The following RPSA variants were observed in gnomAD, a reference collection of about 807,000 sequenced individuals.
RPSA encodes the protein ribosomal protein SA.
For missense variants in RPSA, 140 were observed against 372.8 expected (o/e 0.38, Z 5.14); for synonymous variants, 103 against 126.7 (o/e 0.81, Z 1.25).
Position 39,411,936 on chromosome 3 carries a change from C to T in RPSA, c.668C>T (p.Thr223Ile). The change falls in exon 6 of 7, where the codon ACC becomes ATC. Residue 223 changes from threonine to isoleucine, a missense_variant. Coordinates refer to ENST00000301821, the MANE Select transcript of RPSA (RefSeq NM_002295.6). ...CAGGCTGCTGCTGAGAAGGCAGTGA[C>T]CAAGGAGGAATTTCAGGGTGAATGG... ...EEQAAAEKAV[T>I]KEEFQGEWTA... The T allele has an allele frequency of 6.3e-7, 1 of 1,599,746 alleles. No individual in the cohort carries two copies.
intron 6 of RPSA, 103 bp downstream of exon 6, chr3:39,412,164 T>C: frequency 7.2e-7 from 1 of 1,393,906 alleles, no homozygotes. Context: ...TTTAAGAGGT[T>C]TTCATTCCAG....
rs2041994568 is a variant in RPSA, at chr3:39,410,780, C to T, written c.279C>T (p.Ala93=). ...GQRAVLKFAA[A]TGATPIAGRF... ...GGGCTGTGCTGAAGTTTGCTGCTGC[C>T]ACTGGAGCCACTCCAATTGCTGGCC... The change falls in exon 4 of 7, where the codon GCC becomes GCT. Residue 93 remains alanine (A), a synonymous_variant. Coordinates refer to ENST00000301821, the MANE Select transcript of RPSA (RefSeq NM_002295.6). 6.2e-7 allele frequency: 1 copy of T among 1,613,460 alleles called. No individual in the cohort carries two copies. Among genetic ancestry groups the T allele is most frequent in the East Asian group, 2.2e-5 (1 of 44,886 alleles).
intron 3 of RPSA, chr3:39,409,070 C>T: frequency 5.7e-6 from 1 of 176,858 alleles, no homozygotes; most frequent in East Asian, 1.3e-4. Context: ...GGTGACAGAG[C>T]CGAGACTCTG....
At chr3:39,409,206 T>TTTTTTTTTTTC (rs1676111844) in intron 3 of RPSA, among the ~76,000 whole-genome samples, 1 of 124,658 alleles carries the variant, frequency 8.0e-6, no homozygotes, top group Non-Finnish European at 1.8e-5. Context: ...TTTTTTTTTT[T>TTTTTTTTTTTC]TCCTTCAAGA....
Position 39,409,651 on chromosome 3 carries a change from CAATG to C in RPSA, c.252+930_252+933del, listed in dbSNP as rs1192210984. Among the ~76,000 whole-genome samples the C allele has an allele frequency of 2.6e-5, 4 of 152,260 alleles. No homozygotes were observed. The East Asian group carries it at 5.8e-4, about 22-fold the overall frequency. On this transcript the variant is annotated intron_variant, in intron 3 of 6. Coordinates refer to ENST00000301821, the MANE Select transcript of RPSA (RefSeq NM_002295.6). ...CATAGTCAAAGTTTTTACCTTAAAA[CAATG>C]AAATACTGGGACAGAAATTTTTTAA...
chr3:39,409,586 A>T (rs1032204228), intron 3 of RPSA, among the ~76,000 whole-genome samples: 3 of 152,196 alleles, frequency 2.0e-5, no homozygotes. Context: ...GTGCCACTAA[A>T]TATCTAGAAA....
chr3:39,407,749 C>G lies in RPSA; in HGVS notation c.96C>G (p.Phe32Leu). ...ACTTAGGTGGCACCAATCTTGACTT[C>G]CAGATGGAACAGTACATCTATAAAA... ...GTHLGGTNLD[F>L]QMEQYIYKRK... Residue 32 changes from phenylalanine (F) to leucine (L), a missense_variant, in exon 2 of 7, where the codon TTC becomes TTG. Physicochemically the swap from Phe to Leu is conservative, Grantham distance 22 (BLOSUM62 0). Transcript: ENST00000301821. 1 of 1,597,494 alleles carries G rather than the reference C, an allele frequency of 6.3e-7. No homozygotes were observed. Among genetic ancestry groups the G allele is most frequent in the South Asian group, 1.1e-5 (1 of 91,070 alleles).
intron 2 of RPSA, chr3:39,408,101 A>C: frequency 2.6e-6 from 1 of 380,524 alleles, no homozygotes; most frequent in Non-Finnish European, 5.0e-6. Context: ...TATTGAACTG[A>C]ATTTTGAGTG....
intron 4 of RPSA, 159 bp downstream of exon 4, chr3:39,411,158 G>T: frequency 1.2e-6 from 1 of 849,494 alleles, no homozygotes; most frequent in Non-Finnish European, 2.0e-6. Context: ...AACACCACAA[G>T]GGTCTCTGGC....
intron 3 of RPSA, among the ~76,000 whole-genome samples, chr3:39,409,428 TG>T (rs1226984334): frequency 6.6e-6 from 1 of 152,174 alleles, no homozygotes; most frequent in African/African-American, 2.4e-5. Context: ...CTTAAACGCC[TG>T]ATCTCAAGTG....
At chr3:39,407,485 A>T (rs2041936258) in intron 1 of RPSA, 136 bp from the exon 2 acceptor site, 2 of 736,648 alleles carry the variant, frequency 2.7e-6, no homozygotes. Flanking sequence ...TGTATGGGTT[A>T]ACTTTCTGTT....
chr3:39,407,819 G>C (rs748206224), intron 2 of RPSA, 33 bp downstream of exon 2: 1 of 1,578,788 alleles, frequency 6.3e-7, no homozygotes, highest in Non-Finnish European at 8.6e-7. Context: ...TGTTACTCCA[G>C]CTGTAAGTAC....
intron 4 of RPSA, 186 bp downstream of exon 4, chr3:39,411,185 G>GAT (rs1559400249): frequency 2.6e-6 from 2 of 773,518 alleles, no homozygotes; most frequent in Non-Finnish European, 4.7e-6. Flanking sequence ...AGTGGAGTTT[G>GAT]ATAGTAATTC....
chr3:39,408,138 A>G (rs957969436), intron 2 of RPSA: 1 of 371,392 alleles, frequency 2.7e-6, no homozygotes, highest in Non-Finnish European at 5.1e-6. Flanking sequence ...GTGGGAATGA[A>G]CAATATGGTT....
At position 39,408,696 on chromosome 3, in the gene RPSA, G is replaced by T; in HGVS notation, c.224G>T (p.Ser75Ile). ...GCCATTGAAAACCCTGCTGATGTCA[G>T]TGTTATATCCTCCAGGAATACTGGC... ...IVAIENPADV[S>I]VISSRNTGQR... Residue 75 changes from serine (S) to isoleucine (I), a missense_variant, in exon 3 of 7, where the codon AGT becomes ATT. Physicochemically the swap from Ser to Ile is moderately radical, Grantham distance 142. Coordinates refer to ENST00000301821, the MANE Select transcript of RPSA (RefSeq NM_002295.6). 6.2e-7 allele frequency: 1 copy of T among 1,605,522 alleles called. No homozygotes were observed. Among genetic ancestry groups the T allele is most frequent in the Non-Finnish European group, 8.5e-7 (1 of 1,172,160 alleles).
intron 4 of RPSA, 169 bp from the exon 5 acceptor site, chr3:39,411,480 G>T (rs1353521535): frequency 2.9e-6 from 2 of 681,730 alleles, no homozygotes; most frequent in East Asian, 2.7e-5. Flanking sequence ...TATGATTCCA[G>T]TGTGCAGACA....
At chr3:39,411,529 T>C (rs765937566) in intron 4 of RPSA, 120 bp from the exon 5 acceptor site, 14 of 1,035,610 alleles carry the variant, frequency 1.4e-5, no homozygotes, top group East Asian at 4.8e-5. Context: ...CCTGTTACAA[T>C]TGCTTTTCAA....
Position 39,411,144 on chromosome 3 carries a change from C to A in RPSA, c.498+145C>A, listed in dbSNP as rs549853185. 4 of 952,138 alleles carry A rather than the reference C, an allele frequency of 4.2e-6. No individual in the cohort carries two copies. The African/African-American group carries it at 6.4e-5, about 15-fold the overall frequency. The allele number at this position is 952,138 out of a possible 1,614,324, so 59.0% of individuals were successfully genotyped here. A position where few individuals can be genotyped will look rare whatever the true frequency, so the allele number is the denominator to read the frequency against. On this transcript the variant is annotated intron_variant, in intron 4 of 6. Coordinates refer to ENST00000301821, the MANE Select transcript of RPSA (RefSeq NM_002295.6). ...GTGTGCTACATGAGGGGCAAGTTTT[C>A]GCTAACACCACAAGGGTCTCTGGCC...
In RPSA at chr3:39,411,019, G is replaced by A; in HGVS notation, c.498+20G>A. 6.3e-7 allele frequency: 1 copy of A among 1,599,508 alleles called. No individual in the cohort carries two copies. Among genetic ancestry groups the A allele is most frequent in the Non-Finnish European group, 8.5e-7 (1 of 1,179,824 alleles). On this transcript the variant is annotated intron_variant, in intron 4 of 6. Coordinates refer to ENST00000301821, the MANE Select transcript of RPSA (RefSeq NM_002295.6). ...AACAAGGTAATGATTTTAGGATCTA[G>A]AGTTTGTGAATGCGTGCTCTAGAAA...
Sources: allele counts gnomAD v4.1 joint callset (sites outside exome capture counted in the v4.1 genomes callset), GRCh38; gene constraint gnomAD v4.1.1; transcripts MANE v1.5; gene names NCBI Gene and HGNC (gene_info 2026-07-23, HGNC 2026-07-21).